Variants in ATF6 observed in about 807,000 individuals in gnomAD.
The protein encoded by ATF6 is cyclic AMP-dependent transcription factor ATF-6 alpha.
A neutral mutation model predicts 83.6 loss-of-function variants in ATF6; 53 were observed. The observed-to-expected ratio is 0.63, with a 90% CI of 0.51 to 0.80. The LOEUF is 0.80. Ranked by LOEUF, ATF6 falls within the 30% of genes least tolerant of loss-of-function variation. The probability of loss-of-function intolerance (pLI) is 0.00; values close to 1 mark genes in which losing one functional copy is unlikely to be tolerated. For missense variants in ATF6, 744 were observed against 797.9 expected (o/e 0.93, Z 0.81); for synonymous variants, 288 against 285.8 (o/e 1.01, Z -0.08).
At chr1:161,932,142 TTAAG>T (rs2101902849) in intron 15 of ATF6, among the ~76,000 whole-genome samples, 1 of 152,262 alleles carries the variant, frequency 6.6e-6, no homozygotes, top group South Asian at 2.1e-4. Context: ...CTTGAAGAAG[TTAAG>T]TAAGTTGCAC....
At chr1:161,929,566 G>A (rs1322452873) in intron 15 of ATF6, among the ~76,000 whole-genome samples, 4 of 152,202 alleles carry the variant, frequency 2.6e-5, no homozygotes, top group Non-Finnish European at 5.9e-5. Context: ...ACTAGTAGGA[G>A]GTCAGCTCTA....
chr1:161,778,943 T>C (rs1684579997), intron 2 of ATF6, among the ~76,000 whole-genome samples: 1 of 152,198 alleles, frequency 6.6e-6, no homozygotes, highest in Non-Finnish European at 1.5e-5. Context: ...TAAGAAGTAA[T>C]TCAAGTGAGC....
intron 14 of ATF6, among the ~76,000 whole-genome samples, chr1:161,877,408 A>G (rs1428631658): frequency 6.6e-6 from 1 of 152,128 alleles, no homozygotes; most frequent in Non-Finnish European, 1.5e-5. Context: ...TATCTCAAAC[A>G]TGGGGGGAAT....
intron 4 of ATF6, among the ~76,000 whole-genome samples, chr1:161,789,574 T>C (rs1684831933): frequency 6.6e-6 from 1 of 152,182 alleles, no homozygotes; most frequent in African/African-American, 2.4e-5. Flanking sequence ...CTGTCTCTTT[T>C]GTTTTAATGT....
At chr1:161,810,092 A>T (rs571340215) in intron 7 of ATF6, among the ~76,000 whole-genome samples, 1 of 152,204 alleles carries the variant, frequency 6.6e-6, no homozygotes, top group African/African-American at 2.4e-5. Context: ...ACAGGGCTTA[A>T]TGGAGTCCTT....
At chr1:161,829,281 G>C (rs890677620) in intron 9 of ATF6, among the ~76,000 whole-genome samples, 31 of 141,306 alleles carry the variant, frequency 2.2e-4, no homozygotes, top group African/African-American at 7.6e-4. Context: ...CTCACTGCAA[G>C]CTCCGCCTCC....
chr1:161,782,544 G>C (rs1000986697), intron 3 of ATF6, among the ~76,000 whole-genome samples: 1 of 152,152 alleles, frequency 6.6e-6, no homozygotes, highest in Non-Finnish European at 1.5e-5. Flanking sequence ...CTCCCTTCTA[G>C]CTTTTTCTAG....
At chr1:161,777,065 A>G (rs557574417) in intron 1 of ATF6, among the ~76,000 whole-genome samples, 3 of 152,372 alleles carry the variant, frequency 2.0e-5, no homozygotes, top group African/African-American at 7.2e-5. Flanking sequence ...TGCTGTTGAT[A>G]GGTCAAGTAA....
intron 15 of ATF6, among the ~76,000 whole-genome samples, chr1:161,940,188 C>G (rs1306723020): frequency 6.6e-6 from 1 of 152,274 alleles, no homozygotes; most frequent in East Asian, 1.9e-4. Context: ...GATCCATCTG[C>G]CAATCCTATT....
chr1:161,958,720 A>G lies in ATF6; in HGVS notation c.*66A>G. ...CCAGACTGAAGAGCAGGTGAGCAAA[A>G]TGCTGCTTTCTGCCTTGGTGGCAGG... On this transcript the variant is annotated 3_prime_UTR_variant, in exon 16 of 16. Transcript: ENST00000367942. The G allele has an allele frequency of 7.3e-7, 1 of 1,371,526 alleles. No homozygotes were observed. Among genetic ancestry groups the G allele is most frequent in the Non-Finnish European group, 9.9e-7 (1 of 1,012,228 alleles). 85.0% of individuals were successfully genotyped at this position (1,371,526 alleles called of 1,614,324 possible). A position where few individuals can be genotyped will look rare whatever the true frequency, so the allele number is the denominator to read the frequency against.
At chr1:161,802,020 C>T in intron 6 of ATF6, 32 bp from the exon 7 acceptor site, 1 of 1,607,114 alleles carries the variant, frequency 6.2e-7, no homozygotes, top group Non-Finnish European at 8.5e-7. Flanking sequence ...TAGTTGTGTA[C>T]CCTTTGATTC....
chr1:161,790,040 C>A (rs1684841537), intron 4 of ATF6, among the ~76,000 whole-genome samples: 1 of 152,030 alleles, frequency 6.6e-6, no homozygotes, highest in Non-Finnish European at 1.5e-5. Flanking sequence ...TTTAAATTTG[C>A]CTTTGACTAC....
intron 14 of ATF6, among the ~76,000 whole-genome samples, chr1:161,865,479 G>A (rs894242545): frequency 1.3e-5 from 2 of 152,122 alleles, no homozygotes; most frequent in Admixed American, 6.5e-5. Context: ...TAAACAGACT[G>A]TATTTTTATA....
At chr1:161,790,868 A>G (rs1038366240) in intron 4 of ATF6, among the ~76,000 whole-genome samples, 1 of 152,168 alleles carries the variant, frequency 6.6e-6, no homozygotes, top group African/African-American at 2.4e-5. Context: ...CCATTCATGC[A>G]TCTTTCTTTT....
chr1:161,857,693 C>T (rs971546691), intron 12 of ATF6, among the ~76,000 whole-genome samples: 5 of 151,812 alleles, frequency 3.3e-5, no homozygotes, highest in African/African-American at 1.2e-4. Context: ...CTATATTTAT[C>T]TTATGTGTGT....
intron 4 of ATF6, among the ~76,000 whole-genome samples, chr1:161,786,071 C>G (rs1288245378): frequency 6.7e-6 from 1 of 148,808 alleles, no homozygotes; most frequent in Non-Finnish European, 1.5e-5. Context: ...CTCCTGGCTT[C>G]AAGCAATTCT....
chr1:161,869,259 A>G (rs1288497412), intron 14 of ATF6, among the ~76,000 whole-genome samples: 1 of 152,066 alleles, frequency 6.6e-6, no homozygotes, highest in Admixed American at 6.6e-5. Context: ...TTTATTTCTT[A>G]GAAATTTATG....
At chr1:161,934,765 C>T (rs1688505297) in intron 15 of ATF6, among the ~76,000 whole-genome samples, 1 of 152,182 alleles carries the variant, frequency 6.6e-6, no homozygotes. Context: ...TAAGATCATT[C>T]TACCACTGAG....
intron 15 of ATF6, among the ~76,000 whole-genome samples, chr1:161,931,075 G>A (rs906139328): frequency 4.1e-4 from 62 of 151,986 alleles, no homozygotes; most frequent in Admixed American, 3.8e-3. Context: ...GAGTTTCACC[G>A]TGTTGGCCAG....
Sources: gnomAD v4.1 joint callset for allele counts (sites outside exome capture counted in the v4.1 genomes callset) on GRCh38, gnomAD v4.1.1 for gene constraint, MANE v1.5 for transcripts, NCBI Gene and HGNC (gene_info 2026-07-23, HGNC 2026-07-21) for gene names.